HMCN1: variants seen among roughly 807,000 people sequenced by gnomAD.
HMCN1 encodes the protein hemicentin-1.
In HMCN1, 321 loss-of-function variants were observed where a neutral mutation model predicts 625.9. The ratio of observed to expected loss-of-function variants is 0.51; its 90% CI spans 0.47 to 0.56. The LOEUF is 0.56. Ranked by LOEUF, HMCN1 falls within the 20% of genes least tolerant of loss-of-function variation. The pLI is 0.00. For missense variants in HMCN1, 6,588 were observed against 6,887.3 expected (o/e 0.96, Z 1.54); for synonymous variants, 2,425 against 2,417.6 (o/e 1.00, Z -0.09).
intron 11 of HMCN1, among the ~76,000 whole-genome samples, chr1:185,955,256 CCTTTTTGTG>C (rs1314160821): frequency 6.6e-6 from 1 of 152,094 alleles, no homozygotes; most frequent in African/African-American, 2.4e-5. Flanking sequence ...TCATTGAAAA[CCTTTTTGTG>C]CTTTTCTAAT....
In HMCN1 at chr1:186,166,952, T is replaced by A. The variant is rs1295505297; in HGVS notation, c.15574+10T>A. 13 of 1,613,964 alleles carry A rather than the reference T, an allele frequency of 8.1e-6. No individual in the cohort carries two copies. Among genetic ancestry groups the A allele is most frequent in the Non-Finnish European group, 1.1e-5 (13 of 1,179,976 alleles). On this transcript the variant is annotated intron_variant, in intron 100 of 106. Coordinates refer to ENST00000271588, the MANE Select transcript of HMCN1 (RefSeq NM_031935.3). The stretch of plus-strand genomic sequence containing the variant: ...GGGCTGAGTTGTCAAGGTATAAAAA[T>A]GGAGGCCTTTTCTTTATGTTCATGA...
intron 72 of HMCN1, 81 bp downstream of exon 72, chr1:186,113,034 C>T: frequency 1.3e-6 from 2 of 1,509,156 alleles, no homozygotes; most frequent in Non-Finnish European, 1.8e-6. Flanking sequence ...TTCTTATGAG[C>T]ATACTAAATG....
At chr1:185,853,245 C>T (rs1033126358) in intron 2 of HMCN1, among the ~76,000 whole-genome samples, 2 of 152,130 alleles carry the variant, frequency 1.3e-5, no homozygotes, top group Admixed American at 1.3e-4. Context: ...TCTCCAATCA[C>T]TTTGAGTAAC....
intron 1 of HMCN1, among the ~76,000 whole-genome samples, chr1:185,814,511 C>G (rs1659724185): frequency 6.6e-6 from 1 of 152,076 alleles, no homozygotes; most frequent in South Asian, 2.1e-4. Context: ...CTTACTAAAA[C>G]AATAACTTAA....
intron 4 of HMCN1, among the ~76,000 whole-genome samples, chr1:185,902,435 CT>C (rs1259539762): frequency 3.5e-5 from 5 of 143,282 alleles, no homozygotes; most frequent in Non-Finnish European, 4.4e-5. Context: ...ATCTATCTAT[CT>C]ATCTATCTAT....
At chr1:185,875,437 G>A (rs182934471) in intron 4 of HMCN1, among the ~76,000 whole-genome samples, 52 of 152,064 alleles carry the variant, frequency 3.4e-4, no homozygotes, top group African/African-American at 1.1e-3. Context: ...CTGAGGAGAG[G>A]GATCAAGTCT....
At chr1:185,779,914 T>C (rs1028483053) in intron 1 of HMCN1, among the ~76,000 whole-genome samples, 23 of 152,230 alleles carry the variant, frequency 1.5e-4, no homozygotes, top group Non-Finnish European at 2.4e-4. Flanking sequence ...GGGGATGGCA[T>C]TGAATGTATA....
At chr1:186,087,905 AC>A (rs1172744111) in intron 60 of HMCN1, 26 bp from the exon 61 acceptor site, 1 of 1,574,776 alleles carries the variant, frequency 6.4e-7, no homozygotes, top group African/African-American at 1.3e-5. Flanking sequence ...TTAATGGAGC[AC>A]ATACAATAGT....
rs535589881 is a variant in HMCN1 at position 186,032,320 on chromosome 1, C to A, written c.5750-5614C>A. ...AATATATGAAAAAAAAACTCGACAT[C>A]ATTCATCATCAGGGAAAAGCAAATT... On this transcript the variant is annotated intron_variant, in intron 36 of 106. Coordinates refer to ENST00000271588, the MANE Select transcript of HMCN1 (RefSeq NM_031935.3). 3.9e-5 allele frequency among the ~76,000 whole-genome samples: 6 copies of A among 152,202 alleles called. No homozygotes were observed. In the South Asian group the frequency reaches 1.2e-3, roughly 32 times the overall value.
intron 15 of HMCN1, among the ~76,000 whole-genome samples, chr1:185,976,482 G>C (rs1316453437): frequency 2.6e-5 from 4 of 152,142 alleles, no homozygotes; most frequent in Non-Finnish European, 5.9e-5. Flanking sequence ...CCCATGGGAA[G>C]AAAAGTGATC....
intron 71 of HMCN1, among the ~76,000 whole-genome samples, chr1:186,112,580 G>A (rs1316834370): frequency 6.6e-6 from 1 of 152,174 alleles, no homozygotes; most frequent in African/African-American, 2.4e-5. Context: ...TTCTTGAATG[G>A]ATCATTATTG....
At position 186,178,400 on chromosome 1, in the gene HMCN1, C is replaced by T. The variant is rs772904493; in HGVS notation, c.15944-16C>T. The T allele has an allele frequency of 2.9e-5, 46 of 1,573,014 alleles. No homozygotes were observed. The highest frequency in any genetic ancestry group is 3.4e-5 in the Non-Finnish European group (39 of 1,143,254). Reference sequence around the variant, plus strand: ...GTGTCTTTTTTTTTCTTTTTTATATCATGGCATACGAGCAGACATTAATGA... The same window carrying T: ...GTGTCTTTTTTTTTCTTTTTTATATTATGGCATACGAGCAGACATTAATGA... On this transcript the variant is annotated splice_polypyrimidine_tract_variant and intron_variant, in intron 103 of 106. Transcript: ENST00000271588.
At chr1:185,795,671 GA>G (rs1324771384) in intron 1 of HMCN1, among the ~76,000 whole-genome samples, 2 of 152,176 alleles carry the variant, frequency 1.3e-5, no homozygotes, top group African/African-American at 4.8e-5. Flanking sequence ...ATATAAAAAA[GA>G]CTTTTCTAAC....
chr1:185,824,765 A>G (rs1392436028), intron 1 of HMCN1, among the ~76,000 whole-genome samples: 1 of 152,202 alleles, frequency 6.6e-6, no homozygotes, highest in African/African-American at 2.4e-5. Context: ...ATAACTTGCC[A>G]TAGTAACTAG....
intron 2 of HMCN1, among the ~76,000 whole-genome samples, chr1:185,862,056 G>A (rs577101326): frequency 6.6e-6 from 1 of 152,122 alleles, no homozygotes; most frequent in African/African-American, 2.4e-5. Context: ...ATGGCATTAA[G>A]GTGTGAAGCA....
At chr1:185,980,941 G>C (rs1409925663) in intron 16 of HMCN1, 37 bp from the exon 17 acceptor site, 10 of 1,176,248 alleles carry the variant, frequency 8.5e-6, no homozygotes, top group Non-Finnish European at 1.3e-5. Flanking sequence ...ATTCTCCATA[G>C]ATGGTATTGG....
At chr1:185,815,455 C>T (rs796940580) in intron 1 of HMCN1, among the ~76,000 whole-genome samples, 3 of 150,226 alleles carry the variant, frequency 2.0e-5, no homozygotes, top group African/African-American at 7.6e-5. Context: ...TTTTCTCATC[C>T]ATGCTGCCTA....
intron 11 of HMCN1, among the ~76,000 whole-genome samples, chr1:185,952,593 GA>G (rs1447048084): frequency 6.6e-6 from 1 of 151,728 alleles, no homozygotes; most frequent in Non-Finnish European, 1.5e-5. Flanking sequence ...TTGTAGGATG[GA>G]AAAATTTTAA....
intron 4 of HMCN1, among the ~76,000 whole-genome samples, chr1:185,876,483 C>G (rs184714156): frequency 4.6e-5 from 7 of 152,082 alleles, no homozygotes; most frequent in African/African-American, 1.7e-4. Flanking sequence ...TGCAATATTT[C>G]TATATTGTTT....
Sources: allele counts gnomAD v4.1 joint callset (sites outside exome capture counted in the v4.1 genomes callset), GRCh38; gene constraint gnomAD v4.1.1; transcripts MANE v1.5; gene names NCBI Gene and HGNC (gene_info 2026-07-23, HGNC 2026-07-21).